HOXD10: variants seen among roughly 807,000 people sequenced by gnomAD.
The protein encoded by HOXD10 is homeobox D10.
HOXD10 carries 15 observed loss-of-function variants against 27.0 expected under a neutral mutation model. That is an observed-to-expected ratio of 0.56 (90% CI 0.37 to 0.85). HOXD10 has a LOEUF of 0.85. Among genes scored for constraint, HOXD10 ranks in the 40% least tolerant of loss-of-function variants. HOXD10 has a pLI of 0.00. For synonymous variants in HOXD10, 178 were observed against 160.9 expected (o/e 1.11, Z -0.80); for missense variants, 440 against 430.4 (o/e 1.02, Z -0.20).
rs1274272820 is a variant in HOXD10 at position 176,117,032 on chromosome 2, A to G, written c.199A>G (p.Met67Val). ...CAAAAGAGAAGTGAACCACCAAAAT[A>G]TGGGTATGAATGTGCATCCTTATAT... ...LAKREVNHQN[M>V]GMNVHPYIPQ... The change falls in exon 1 of 2, where the codon ATG becomes GTG. Residue 67 changes from methionine (M) to valine (V), a missense_variant. Transcript: ENST00000249501. 1 of 1,614,134 alleles carries G rather than the reference A, an allele frequency of 6.2e-7. No individual in the cohort carries two copies. The highest frequency in any genetic ancestry group is 1.1e-5 in the South Asian group (1 of 91,080).
rs765027065 is a variant in HOXD10 at position 176,117,561 on chromosome 2, A to C, written c.728A>C (p.Gln243Pro). 3.7e-6 allele frequency: 6 copies of C among 1,613,150 alleles called. No individual in the cohort carries two copies. Among genetic ancestry groups the C allele is most frequent in the Non-Finnish European group, 5.1e-6 (6 of 1,180,040 alleles). The change falls in exon 1 of 2, where the codon CAG becomes CCG. Residue 243 changes from glutamine to proline, a missense_variant. Physicochemically the swap from Gln to Pro is moderately conservative, Grantham distance 76 (BLOSUM62 -1). Transcript: ENST00000249501. The stretch of plus-strand genomic sequence containing the variant: ...GTCTCCGTGTCCAGTCCCGAAGTGC[A>C]GGAGAAGGAAAGCAAAGGTCGGTAT... Reference protein sequence around the residue: ...AEVSVSSPEVQEKESKEEIKS... With the variant: ...AEVSVSSPEVPEKESKEEIKS...
Position 176,117,340 on chromosome 2 carries a change from C to A in HOXD10, c.507C>A (p.Ser169Arg). Residue 169 changes from serine (S) to arginine (R), a missense_variant, in exon 1 of 2, where the codon AGC becomes AGA. Physicochemically the swap from Ser to Arg is moderately radical, Grantham distance 110. Transcript: ENST00000249501. ...GGAAAACCCAAGAGTACAATAATAG[C>A]CCCGAAGGCAGCTCCACTGTCATGC... Reference protein sequence around the residue: ...ATGKTQEYNNSPEGSSTVMLQ... With the variant: ...ATGKTQEYNNRPEGSSTVMLQ... The A allele has an allele frequency of 6.2e-7, 1 of 1,613,836 alleles. No homozygotes were observed. Among genetic ancestry groups the A allele is most frequent in the Non-Finnish European group, 8.5e-7 (1 of 1,179,994 alleles).
At position 176,119,131 on chromosome 2, in the gene HOXD10, G is replaced by GC; in HGVS notation, c.923_924insC (p.Arg308SerfsTer40). 1 of 1,614,008 alleles carries GC rather than the reference G, an allele frequency of 6.2e-7. No homozygotes were observed. The highest frequency in any genetic ancestry group is 8.5e-7 in the Non-Finnish European group (1 of 1,180,000). ...AGTAAGAGCGTTAACCTCACCGACA[G>GC]GCAGGTCAAGATTTGGTTTCAAAAC... is the stretch of plus-strand genomic sequence containing the variant. On this transcript the variant is annotated frameshift_variant, in exon 2 of 2. Coordinates refer to ENST00000249501, the MANE Select transcript of HOXD10 (RefSeq NM_002148.4). LOFTEE classifies it high-confidence loss of function.
At position 176,119,465 on chromosome 2, in the gene HOXD10, A is replaced by ATATATATATATATATATATAT. The variant is rs1559118669; in HGVS notation, c.*234_*235insTATATATATATATATATATAT. 1.1e-4 allele frequency: 16 copies of ATATATATATATATATATATAT among 140,924 alleles called. No individual in the cohort carries two copies. Among genetic ancestry groups the ATATATATATATATATATATAT allele is most frequent in the South Asian group, 2.2e-4 (1 of 4,448 alleles). The allele number at this position is 140,924 out of a possible 1,614,324, so 8.7% of individuals were successfully genotyped here. On this transcript the variant is annotated 3_prime_UTR_variant, in exon 2 of 2. Coordinates refer to ENST00000249501, the MANE Select transcript of HOXD10 (RefSeq NM_002148.4). ...TATATATATATATATATATATATATAAAAACTTAGCACGTGTAATTTATTA... is the reference window on the plus strand; with the variant it reads ...TATATATATATATATATATATATATATATATATATATATATATATATAAAACTTAGCACGTGTAATTTATTA...
Position 176,119,358 on chromosome 2 carries a change from T to C in HOXD10, c.*127T>C. On this transcript the variant is annotated 3_prime_UTR_variant, in exon 2 of 2. Transcript: ENST00000249501. ...TCACCGCTCTTTGTTTGTTGTTTTG[T>C]TGTATTTTGTTTTCCTGCTAGAATG... The C allele has an allele frequency of 1.2e-5, 13 of 1,054,026 alleles. No individual in the cohort carries two copies. The highest frequency in any genetic ancestry group is 1.8e-5 in the Non-Finnish European group (13 of 704,204). The allele number at this position is 1,054,026 out of a possible 1,614,324, so 65.3% of individuals were successfully genotyped here. A position where few individuals can be genotyped will look rare whatever the true frequency, so the allele number is the denominator to read the frequency against.
chr2:176,118,652 A>C (rs1266056813), intron 1 of HOXD10, among the ~76,000 whole-genome samples: 3 of 152,188 alleles, frequency 2.0e-5, no homozygotes, highest in Non-Finnish European at 4.4e-5. Flanking sequence ...TGTACAAGTG[A>C]GAAAGTTGAA....
Position 176,116,863 on chromosome 2 carries a change from T to A in HOXD10, c.30T>A (p.Ala10=). ...CCTTTCCCAACAGCTCTCCTGCTGC[T>A]AATACTTTTTTAGTAGATTCCTTGA... MSFPNSSPA[A]NTFLVDSLIS... is the part of the protein sequence containing the mutation. Residue 10 remains alanine, a synonymous_variant, in exon 1 of 2, where the codon GCT becomes GCA. Transcript: ENST00000249501. 1 of 1,614,110 alleles carries A rather than the reference T, an allele frequency of 6.2e-7. No homozygotes were observed. The highest frequency in any genetic ancestry group is 8.5e-7 in the Non-Finnish European group (1 of 1,179,946).
At position 176,119,287 on chromosome 2, in the gene HOXD10, T is replaced by A; in HGVS notation, c.*56T>A. 1 of 1,571,476 alleles carries A rather than the reference T, an allele frequency of 6.4e-7. No individual in the cohort carries two copies. The highest frequency in any genetic ancestry group is 8.7e-7 in the Non-Finnish European group (1 of 1,147,028). ...CCAGGATTGGAGAGGGGGCACCGCG[T>A]TCCAGGGCCCAGTGCTGGAGGACTG... On this transcript the variant is annotated 3_prime_UTR_variant, in exon 2 of 2. Transcript: ENST00000249501.
At chr2:176,118,236 A>T (rs1409891809) in intron 1 of HOXD10, among the ~76,000 whole-genome samples, 1 of 152,240 alleles carries the variant, frequency 6.6e-6, no homozygotes, top group African/African-American at 2.4e-5. Context: ...GCAAAGAGCC[A>T]GGGATCTGGC....
In HOXD10 at chr2:176,117,389, G is replaced by A. The variant is rs868138731; in HGVS notation, c.556G>A (p.Ala186Thr). Reference protein sequence around the residue: ...VMLQLNPRGAAKPQLSAAQLQ... With the variant: ...VMLQLNPRGATKPQLSAAQLQ... ...GCTCCAGCTCAACCCTCGTGGCGCG[G>A]CCAAGCCGCAGCTCTCCGCTGCCCA... The change falls in exon 1 of 2, where the codon GCC (alanine) becomes ACC (threonine). Residue 186 changes from alanine to threonine, a missense_variant. Physicochemically the swap from Ala to Thr is moderately conservative, Grantham distance 58 (BLOSUM62 0). Coordinates refer to ENST00000249501, the MANE Select transcript of HOXD10 (RefSeq NM_002148.4). The A allele has an allele frequency of 6.2e-6, 10 of 1,613,360 alleles. No homozygotes were observed. The highest frequency in any genetic ancestry group is 8.5e-6 in the Non-Finnish European group (10 of 1,180,018).
At position 176,119,161 on chromosome 2, in the gene HOXD10, G is replaced by A; in HGVS notation, c.953G>A (p.Arg318Gln). 1 of 1,613,918 alleles carries A rather than the reference G, an allele frequency of 6.2e-7. No individual in the cohort carries two copies. Reference sequence around the variant, plus strand: ...GTCAAGATTTGGTTTCAAAACCGCCGAATGAAACTCAAGAAGATGAGCCGA... The same window carrying A: ...GTCAAGATTTGGTTTCAAAACCGCCAAATGAAACTCAAGAAGATGAGCCGA... Reference protein sequence around the residue: ...RQVKIWFQNRRMKLKKMSREN... With the variant: ...RQVKIWFQNRQMKLKKMSREN... Residue 318 changes from arginine to glutamine, a missense_variant, in exon 2 of 2, where the codon CGA becomes CAA. Physicochemically the swap from Arg to Gln is conservative, Grantham distance 43. Transcript: ENST00000249501.
In HOXD10 at chr2:176,118,139, A is replaced by G. The variant is rs75483960; in HGVS notation, c.745+561A>G. Among the ~76,000 whole-genome samples, 492 of 152,322 alleles carry G rather than the reference A, an allele frequency of 3.2e-3. 15 individuals carry two copies. In the East Asian group the frequency reaches 0.067, roughly 21 times the overall value. On this transcript the variant is annotated intron_variant, in intron 1 of 1. Transcript: ENST00000249501. The stretch of plus-strand genomic sequence containing the variant: ...TAGGAAAAGTGCTGCAGTCTTTGCA[A>G]TCCGTCGGCAAAGAGGGCAAAGGCG...
rs1171005235 is a variant in HOXD10 at position 176,116,971 on chromosome 2, T to C, written c.138T>C (p.Tyr46=). ...CACCTAGCGCAGACATGGGGACCTA[T>C]GGAATGCAAACCTGTGGACTGCTCC... The part of the protein sequence containing the change: ...MPPPSADMGT[Y]GMQTCGLLPS... Residue 46 remains tyrosine, a synonymous_variant, in exon 1 of 2, where the codon TAT becomes TAC. Transcript: ENST00000249501. 1.2e-6 allele frequency: 2 copies of C among 1,614,148 alleles called. No individual in the cohort carries two copies. Among genetic ancestry groups the C allele is most frequent in the South Asian group, 1.1e-5 (1 of 91,080 alleles).
chr2:176,118,801 G>A (rs1689808963), intron 1 of HOXD10, among the ~76,000 whole-genome samples, 153 bp from the exon 2 acceptor site: 1 of 152,132 alleles, frequency 6.6e-6, no homozygotes, highest in Non-Finnish European at 1.5e-5. Flanking sequence ...CGGCCTGGCT[G>A]CCAGCAGGGT....
rs199871119 is a variant in HOXD10 at position 176,116,992 on chromosome 2, G to C, written c.159G>C (p.Leu53=). 4 of 1,614,144 alleles carry C rather than the reference G, an allele frequency of 2.5e-6. No homozygotes were observed. The South Asian group carries it at 4.4e-5, about 18-fold the overall frequency. Reference sequence around the variant, plus strand: ...CCTATGGAATGCAAACCTGTGGACTGCTCCCGTCTCTGGCCAAAAGAGAAG... The same window carrying C: ...CCTATGGAATGCAAACCTGTGGACTCCTCCCGTCTCTGGCCAAAAGAGAAG... ...MGTYGMQTCG[L]LPSLAKREVN... is the part of the protein sequence containing the mutation. Residue 53 remains leucine (L), a synonymous_variant, in exon 1 of 2, where the codon CTG becomes CTC. Transcript: ENST00000249501.
chr2:176,119,199 C>G lies in HOXD10; in HGVS notation c.991C>G (p.Arg331Gly). 3 of 1,613,742 alleles carry G rather than the reference C, an allele frequency of 1.9e-6. No individual in the cohort carries two copies. Among genetic ancestry groups the G allele is most frequent in the Non-Finnish European group, 2.5e-6 (3 of 1,180,004 alleles). The stretch of plus-strand genomic sequence containing the variant: ...GAAGATGAGCCGAGAGAACCGGATC[C>G]GAGAACTGACCGCCAACCTCACGTT... ...LKKMSRENRI[R>G]ELTANLTFS Residue 331 changes from arginine (R) to glycine (G), a missense_variant, in exon 2 of 2, where the codon CGA (arginine) becomes GGA (glycine). Coordinates refer to ENST00000249501, the MANE Select transcript of HOXD10 (RefSeq NM_002148.4).
In HOXD10 at chr2:176,117,308, G is replaced by A. The variant is rs777186932; in HGVS notation, c.475G>A (p.Ala159Thr). ...PGYFRLSQTYATGKTQEYNNS... is the reference protein window; with the variant it reads ...PGYFRLSQTYTTGKTQEYNNS... ...ATATTTTAGACTGAGTCAGACCTACGCCACCGGGAAAACCCAAGAGTACAA... is the reference window on the plus strand; with the variant it reads ...ATATTTTAGACTGAGTCAGACCTACACCACCGGGAAAACCCAAGAGTACAA... The change falls in exon 1 of 2, where the codon GCC (alanine) becomes ACC (threonine). Residue 159 changes from alanine to threonine, a missense_variant. By Grantham distance (58) the Ala-to-Thr change is moderately conservative. Coordinates refer to ENST00000249501, the MANE Select transcript of HOXD10 (RefSeq NM_002148.4). 1.2e-5 allele frequency: 19 copies of A among 1,613,348 alleles called. No individual in the cohort carries two copies. The highest frequency in any genetic ancestry group is 1.7e-4 in the Middle Eastern group (1 of 6,060).
intron 1 of HOXD10, 140 bp from the exon 2 acceptor site, chr2:176,118,814 C>T (rs1206530302): frequency 8.2e-6 from 6 of 733,868 alleles, no homozygotes; most frequent in Admixed American, 5.2e-5. Flanking sequence ...AGCAGGGTCA[C>T]GGCCAAGGGT....
rs979953790 is a variant in HOXD10, at chr2:176,119,205, C to T, written c.997C>T (p.Leu333=). ...KMSRENRIRE[L]TANLTFS Reference sequence around the variant, plus strand: ...GAGCCGAGAGAACCGGATCCGAGAACTGACCGCCAACCTCACGTTTTCTTA... The same window carrying T: ...GAGCCGAGAGAACCGGATCCGAGAATTGACCGCCAACCTCACGTTTTCTTA... The change falls in exon 2 of 2, where the codon CTG becomes TTG. Residue 333 remains leucine, a synonymous_variant. Transcript: ENST00000249501. 1 of 1,613,724 alleles carries T rather than the reference C, an allele frequency of 6.2e-7. No individual in the cohort carries two copies. The highest frequency in any genetic ancestry group is 1.1e-5 in the South Asian group (1 of 91,060).
Sources: allele counts gnomAD v4.1 joint callset (sites outside exome capture counted in the v4.1 genomes callset), GRCh38; gene constraint gnomAD v4.1.1; transcripts MANE v1.5; gene names NCBI Gene and HGNC (gene_info 2026-07-23, HGNC 2026-07-21).